The following NAMPT variants were observed in gnomAD, a reference collection of about 807,000 sequenced individuals.
The protein encoded by NAMPT is nicotinamide phosphoribosyltransferase.
A neutral mutation model predicts 58.7 loss-of-function variants in NAMPT; 7 were observed. The observed-to-expected ratio is 0.12, with a 90% CI of 0.07 to 0.22. The LOEUF is 0.22. NAMPT is among the 10% of genes least tolerant of loss of function. The pLI, the probability that NAMPT is intolerant of heterozygous loss-of-function variation, is 1.00. For synonymous variants in NAMPT, 145 were observed against 198.1 expected (o/e 0.73, Z 2.25); for missense variants, 271 against 567.9 (o/e 0.48, Z 5.31).
intron 1 of NAMPT, among the ~76,000 whole-genome samples, chr7:106,279,611 T>C (rs759664977): frequency 2.0e-5 from 3 of 152,212 alleles, no homozygotes; most frequent in Non-Finnish European, 4.4e-5. Context: ...TTGGATGATA[T>C]AGCATAAATT....
chr7:106,256,594 G>A (rs537306645), intron 8 of NAMPT, among the ~76,000 whole-genome samples: 1 of 152,286 alleles, frequency 6.6e-6, no homozygotes, highest in Admixed American at 6.5e-5. Context: ...CGGTGCAAAA[G>A]TGATTCGCAT....
Position 106,254,490 on chromosome 7 carries a change from C to T in NAMPT, c.1104G>A (p.Met368Ile). 2 of 1,613,738 alleles carry T rather than the reference C, an allele frequency of 1.2e-6. No individual in the cohort carries two copies. Among genetic ancestry groups the T allele is most frequent in the Non-Finnish European group, 1.7e-6 (2 of 1,179,738 alleles). ...TTTCAATACTCCACATTTTTTGTTT[C>T]ATGCCTTCTACAATCTAGAAGATTA... ...INTLQEIVEG[M>I]KQKMWSIENI... is the part of the protein sequence containing the mutation. The change falls in exon 9 of 11, where the codon ATG becomes ATA. Residue 368 changes from methionine to isoleucine, a missense_variant. Coordinates refer to ENST00000222553, the MANE Select transcript of NAMPT (RefSeq NM_005746.3).
intron 6 of NAMPT, among the ~76,000 whole-genome samples, chr7:106,266,835 G>A (rs751446330): frequency 2.6e-5 from 4 of 152,130 alleles, no homozygotes; most frequent in Non-Finnish European, 5.9e-5. Context: ...GCTCAAAAAT[G>A]TCAGTGCCTG....
chr7:106,279,609 TATAG>T (rs1792721044), intron 1 of NAMPT, among the ~76,000 whole-genome samples: 1 of 152,238 alleles, frequency 6.6e-6, no homozygotes, highest in Non-Finnish European at 1.5e-5. Flanking sequence ...AATTGGATGA[TATAG>T]CATAAATTCA....
At chr7:106,277,330 A>G (rs1470371357) in intron 1 of NAMPT, 151 bp from the exon 2 acceptor site, 4 of 647,184 alleles carry the variant, frequency 6.2e-6, no homozygotes, top group African/African-American at 1.8e-5. Flanking sequence ...CAAATAAAAA[A>G]TAAGTATCTA....
intron 5 of NAMPT, among the ~76,000 whole-genome samples, chr7:106,268,920 T>G (rs574559092): frequency 1.3e-5 from 2 of 152,358 alleles, no homozygotes; most frequent in South Asian, 4.1e-4. Flanking sequence ...ATATTATGTC[T>G]GTTTCTGGCT....
In NAMPT at chr7:106,282,140, C is replaced by T. The variant is rs560914833; in HGVS notation, c.57+2688G>A. Among the ~76,000 whole-genome samples the T allele has an allele frequency of 5.3e-5, 8 of 151,944 alleles. No individual in the cohort carries two copies. In the East Asian group the frequency reaches 1.2e-3, roughly 22 times the overall value. Reference sequence around the variant, plus strand: ...GACTCAGGAGCCACCGTGACAATACCGAAGCATCCGCTCAGAAGCAGTGAA... The same window carrying T: ...GACTCAGGAGCCACCGTGACAATACTGAAGCATCCGCTCAGAAGCAGTGAA... On this transcript the variant is annotated intron_variant, in intron 1 of 10. Coordinates refer to ENST00000222553, the MANE Select transcript of NAMPT (RefSeq NM_005746.3).
intron 9 of NAMPT, among the ~76,000 whole-genome samples, chr7:106,253,909 T>G (rs960572476): frequency 6.6e-6 from 1 of 152,200 alleles, no homozygotes; most frequent in Non-Finnish European, 1.5e-5. Context: ...CAAGGGGGGT[T>G]GTTGTTCACT....
chr7:106,285,546 T>C (rs938929456), upstream of NAMPT: 5 of 985,932 alleles, frequency 5.1e-6, no homozygotes, highest in Non-Finnish European at 4.8e-6. Flanking sequence ...CTCACCTTTG[T>C]CTCCGGCCTG....
At chr7:106,260,323 C>G (rs1266834913) in intron 8 of NAMPT, among the ~76,000 whole-genome samples, 1 of 152,238 alleles carries the variant, frequency 6.6e-6, no homozygotes, top group African/African-American at 2.4e-5. Context: ...TTTCCCTAAA[C>G]CACAGGAACC....
At chr7:106,270,346 A>G (rs1232445813) in intron 4 of NAMPT, 17 of 338,018 alleles carry the variant, frequency 5.0e-5, no homozygotes, top group South Asian at 9.2e-5. Context: ...AACCAAAAAG[A>G]TATTAACTAA....
chr7:106,266,962 C>A (rs565528075), intron 6 of NAMPT, among the ~76,000 whole-genome samples: 1 of 152,296 alleles, frequency 6.6e-6, no homozygotes, highest in East Asian at 1.9e-4. Context: ...GTCTCCCCTA[C>A]GCTCCCTACA....
intron 5 of NAMPT, 85 bp downstream of exon 5, chr7:106,269,069 T>C (rs1792480858): frequency 1.2e-5 from 15 of 1,286,976 alleles, no homozygotes; most frequent in Non-Finnish European, 8.6e-6. Flanking sequence ...CCAAGATCAA[T>C]CTCAATAACG....
At chr7:106,260,781 G>A (rs1792288406) in intron 8 of NAMPT, among the ~76,000 whole-genome samples, 1 of 152,208 alleles carries the variant, frequency 6.6e-6, no homozygotes, top group Non-Finnish European at 1.5e-5. Flanking sequence ...GAAACTTGAA[G>A]TGAGCAGAGA....
rs1358089489 is a variant in NAMPT at position 106,274,951 on chromosome 7, G to A, written c.313C>T (p.Leu105Phe). 1 of 1,590,908 alleles carries A rather than the reference G, an allele frequency of 6.3e-7. No individual in the cohort carries two copies. Among genetic ancestry groups the A allele is most frequent in the East Asian group, 2.2e-5 (1 of 44,614 alleles). ...AAGATGAAACCATCTTTTACCTCAA[G>A]AATGTAGTTCCATCCCTTTTCATTA... ...VFNEKGWNYILEKYDGHLPIE... is the reference protein window; with the variant it reads ...VFNEKGWNYIFEKYDGHLPIE... The change falls in exon 3 of 11, where the codon CTT becomes TTT. Residue 105 changes from leucine (L) to phenylalanine (F), a missense_variant. This residue lies in a region of NAMPT where 103 missense variants were observed against 194.2 expected (regional missense o/e 0.53). Coordinates refer to ENST00000222553, the MANE Select transcript of NAMPT (RefSeq NM_005746.3).
chr7:106,261,593 G>C lies in NAMPT; in HGVS notation c.1084C>G (p.Gln362Glu). Residue 362 changes from glutamine (Q) to glutamate (E), a missense_variant, in exon 8 of 11, where the codon CAA (glutamine) becomes GAA (glutamate). Gln to Glu is a conservative substitution (Grantham distance 29). This residue lies in a region of NAMPT where 143 missense variants were observed against 331.1 expected (regional missense o/e 0.43). Transcript: ENST00000222553. ...QGDGVDINTL[Q>E]EIVEGMKQKM... Reference sequence around the variant, plus strand: ...TTTTAATATAAAACACATACCTCTTGTAAGGTATTAATATCTACTCCATCC... The same window carrying C: ...TTTTAATATAAAACACATACCTCTTCTAAGGTATTAATATCTACTCCATCC... 6.4e-7 allele frequency: 1 copy of C among 1,569,016 alleles called. No individual in the cohort carries two copies.
chr7:106,283,766 GA>G lies in NAMPT; in HGVS notation c.57+1061del, dbSNP rs542633762. Among the ~76,000 whole-genome samples the G allele has an allele frequency of 9.2e-5, 14 of 151,764 alleles. No individual in the cohort carries two copies. The South Asian group carries it at 2.9e-3, about 32-fold the overall frequency. On this transcript the variant is annotated intron_variant, in intron 1 of 10. Coordinates refer to ENST00000222553, the MANE Select transcript of NAMPT (RefSeq NM_005746.3). ...CATAAACAGCATTTTAAGCTGATTG[GA>G]AAAAAACAGACAAAACTTAAGTAAA... is the stretch of plus-strand genomic sequence containing the variant.
intron 9 of NAMPT, 159 bp from the exon 10 acceptor site, chr7:106,253,310 C>G (rs768238435): frequency 1.5e-6 from 1 of 680,918 alleles, no homozygotes. Flanking sequence ...AGAAACATAA[C>G]ACTTTAGCCT....
At chr7:106,253,221 CAAAA>C in intron 9 of NAMPT, 70 bp from the exon 10 acceptor site, 1 of 1,500,950 alleles carries the variant, frequency 6.7e-7, no homozygotes, top group Non-Finnish European at 9.1e-7. Context: ...CACTCCCTTA[CAAAA>C]AAGCACATAC....
Sources: gnomAD v4.1 joint callset for allele counts (sites outside exome capture counted in the v4.1 genomes callset) on GRCh38, gnomAD v4.1.1 for gene constraint, gnomAD v4.1.1 regional missense constraint, MANE v1.5 for transcripts, NCBI Gene and HGNC (gene_info 2026-07-23, HGNC 2026-07-21) for gene names.